Variants in DPP9 observed in about 807,000 individuals in gnomAD.
DPP9 encodes the protein dipeptidyl peptidase 9.
DPP9 carries 50 observed loss-of-function variants against 110.7 expected under a neutral mutation model. That is an observed-to-expected ratio of 0.45 (90% confidence interval 0.36 to 0.57). The LOEUF is 0.57. Ranked by LOEUF, DPP9 falls within the 20% of genes least tolerant of loss-of-function variation. DPP9 has a pLI of 0.00. For synonymous variants in DPP9, 561 were observed against 514.4 expected, an observed-to-expected ratio of 1.09 and a Z score of -1.23; for missense variants, 1,022 against 1,217.9, an observed-to-expected ratio of 0.84 and a Z score of 2.39.
In DPP9 at chr19:4,685,949, A is replaced by G. The variant is rs913583150; in HGVS notation, c.1886-178T>C. The G allele has an allele frequency of 1.6e-5, 11 of 669,654 alleles. No homozygotes were observed. The Admixed American group carries it at 3.4e-4, about 21-fold the overall frequency. The allele number at this position is 669,654 out of a possible 1,614,324, so 41.5% of individuals were successfully genotyped here. On this transcript the variant is annotated intron_variant, in intron 16 of 21. Transcript: ENST00000262960. The surrounding 1 kb of genome is among the most constrained non-coding windows in gnomAD (Gnocchi z 5.8). Reference sequence around the variant, plus strand: ...TTTTTTCATTAAATAAGATTTGTACAGTTTTTGTAGAGATGGGGTCTTGTC... The same window carrying G: ...TTTTTTCATTAAATAAGATTTGTACGGTTTTTGTAGAGATGGGGTCTTGTC...
chr19:4,709,806 C>T (rs976969049), intron 4 of DPP9, among the ~76,000 whole-genome samples: 6 of 152,168 alleles, frequency 3.9e-5, no homozygotes, highest in African/African-American at 1.2e-4. Flanking sequence ...TTAAAAAGCA[C>T]CCTGGGCCAA....
intron 1 of DPP9, among the ~76,000 whole-genome samples, chr19:4,723,280 A>C (rs955707299): frequency 3.3e-5 from 5 of 151,930 alleles, no homozygotes; most frequent in African/African-American, 9.7e-5. Context: ...GAGAGGGAGG[A>C]GATCGGGACC....
At chr19:4,699,167 A>AG in intron 10 of DPP9, among the ~76,000 whole-genome samples, 1 of 151,210 alleles carries the variant, frequency 6.6e-6, no homozygotes, top group East Asian at 1.9e-4. Context: ...TCAAAAAAAA[A>AG]AAAAAAAAAA....
chr19:4,710,232 T>C lies in DPP9; in HGVS notation c.313+3849A>G, dbSNP rs576823224. ...CTGTGGCCTCGAGTGGCTGGCCTGG[T>C]GGGGGATCGTGATCCACACAGGGCT... is the stretch of plus-strand genomic sequence containing the variant. On this transcript the variant is annotated intron_variant, in intron 4 of 21. Transcript: ENST00000262960. The surrounding 1 kb of genome is among the most constrained non-coding windows in gnomAD (Gnocchi z 5.6). Among the ~76,000 whole-genome samples, 4 of 151,596 alleles carry C rather than the reference T, an allele frequency of 2.6e-5. No individual in the cohort carries two copies. In the East Asian group the frequency reaches 7.8e-4, roughly 30 times the overall value.
In DPP9 at chr19:4,710,083, C is replaced by A. The variant is rs1296777744; in HGVS notation, c.313+3998G>T. ...CGCCAAGGGCTGTGGATTTCTGCTG[C>A]CCCATCCCTCCTCGGACCTCCCTCA... is the stretch of plus-strand genomic sequence containing the variant. On this transcript the variant is annotated intron_variant, in intron 4 of 21. Transcript: ENST00000262960. This position sits in a 1 kb window ranked among gnomAD's most constrained non-coding sequence, Gnocchi z 5.6. 6.6e-6 allele frequency among the ~76,000 whole-genome samples: 1 copy of A among 152,206 alleles called. No homozygotes were observed. The highest frequency in any genetic ancestry group is 1.5e-5 in the Non-Finnish European group (1 of 68,028).
intron 14 of DPP9, 26 bp downstream of exon 14, chr19:4,690,852 G>A: frequency 1.3e-6 from 2 of 1,591,256 alleles, no homozygotes; most frequent in South Asian, 1.1e-5. Flanking sequence ...ATGGAGCAGG[G>A]GAAGGCTGCA....
intron 7 of DPP9, among the ~76,000 whole-genome samples, chr19:4,703,017 G>T (rs1391036099): frequency 1.3e-5 from 2 of 151,910 alleles, no homozygotes; most frequent in Non-Finnish European, 2.9e-5. Context: ...TGGCAAGCCA[G>T]GAGCACCCCC....
Position 4,685,506 on chromosome 19 carries a change from C to A in DPP9, c.2031+120G>T, listed in dbSNP as rs1320691384. 8.6e-7 allele frequency: 1 copy of A among 1,166,772 alleles called. No homozygotes were observed. Among genetic ancestry groups the A allele is most frequent in the African/African-American group, 1.5e-5 (1 of 65,946 alleles). The allele number at this position is 1,166,772 out of a possible 1,614,324, so 72.3% of individuals were successfully genotyped here. A position where few individuals can be genotyped will look rare whatever the true frequency, so the allele number is the denominator to read the frequency against. On this transcript the variant is annotated intron_variant, in intron 17 of 21. Transcript: ENST00000262960. This position sits in a 1 kb window ranked among gnomAD's most constrained non-coding sequence, Gnocchi z 5.8. The stretch of plus-strand genomic sequence containing the variant: ...AGGGCAGGCGGGGTGGGCTGGGGCA[C>A]CAGGCAGGTAGCCGGGGAGCCTCCT...
intron 11 of DPP9, 97 bp downstream of exon 11, chr19:4,697,454 A>G: frequency 9.6e-7 from 1 of 1,041,228 alleles, no homozygotes; most frequent in Non-Finnish European, 1.4e-6. Flanking sequence ...GAGCAGATGG[A>G]AGGAATGGCA....
At chr19:4,699,615 C>G (rs369831157) in intron 10 of DPP9, among the ~76,000 whole-genome samples, 1 of 152,096 alleles carries the variant, frequency 6.6e-6, no homozygotes, top group East Asian at 1.9e-4. Flanking sequence ...GTGATGATGC[C>G]TTTTGCTGCC....
At position 4,687,924 on chromosome 19, in the gene DPP9, A is replaced by C. The variant is rs989399890; in HGVS notation, c.1885+833T>G. 3.3e-5 allele frequency among the ~76,000 whole-genome samples: 5 copies of C among 152,134 alleles called. No individual in the cohort carries two copies. Among genetic ancestry groups the C allele is most frequent in the Non-Finnish European group, 7.4e-5 (5 of 67,990 alleles). On this transcript the variant is annotated intron_variant, in intron 16 of 21. Transcript: ENST00000262960. This position sits in a 1 kb window ranked among gnomAD's most constrained non-coding sequence, Gnocchi z 4.7. ...GCCATTCTCTTGCCTCAGCCTCCCGAGTAGTGGGACTACAGGCGCCCGCCA... is the reference window on the plus strand; with the variant it reads ...GCCATTCTCTTGCCTCAGCCTCCCGCGTAGTGGGACTACAGGCGCCCGCCA...
At position 4,683,719 on chromosome 19, in the gene DPP9, TCC is replaced by T. The variant is rs1453846850; in HGVS notation, c.2179-92_2179-91del. On this transcript the variant is annotated intron_variant, in intron 18 of 21. Coordinates refer to ENST00000262960, the MANE Select transcript of DPP9 (RefSeq NM_139159.5). ...ACCTCTGCTCCTTTCAGGGCGTCTC[TCC>T]CTCTTGGATGAAAAGTGGCTCGCTG... is the stretch of plus-strand genomic sequence containing the variant. 4 of 1,611,298 alleles carry T rather than the reference TCC, an allele frequency of 2.5e-6. No homozygotes were observed. In the Admixed American group the frequency reaches 5.0e-5, roughly 20 times the overall value.
At chr19:4,719,385 G>A (rs1023677458) in intron 3 of DPP9, 2 of 152,808 alleles carry the variant, frequency 1.3e-5, no homozygotes, top group Non-Finnish European at 2.9e-5. Context: ...GACTCAGTGA[G>A]GTTGAATGGC....
chr19:4,701,243 G>A (rs531017948), intron 9 of DPP9, among the ~76,000 whole-genome samples: 3 of 152,174 alleles, frequency 2.0e-5, no homozygotes, highest in African/African-American at 4.8e-5. Flanking sequence ...CGAGGCGAGA[G>A]GACCACTTGA....
At position 4,695,134 on chromosome 19, in the gene DPP9, G is replaced by A. The variant is rs1434911563; in HGVS notation, c.1353+244C>T. The A allele has an allele frequency of 1.7e-6, 1 of 580,012 alleles. No individual in the cohort carries two copies. The highest frequency in any genetic ancestry group is 2.2e-5 in the South Asian group (1 of 44,790). 35.9% of individuals were successfully genotyped at this position (580,012 alleles called of 1,614,324 possible). Reference sequence around the variant, plus strand: ...CCACTGCACTCTAGTCTGGGCAACAGAGCAACCCTGTCTCTAATTAAAGAA... The same window carrying A: ...CCACTGCACTCTAGTCTGGGCAACAAAGCAACCCTGTCTCTAATTAAAGAA... On this transcript the variant is annotated intron_variant, in intron 12 of 21. Transcript: ENST00000262960. The surrounding 1 kb of genome is among the most constrained non-coding windows in gnomAD (Gnocchi z 4.7).
At chr19:4,699,839 G>A (rs550063871) in intron 10 of DPP9, among the ~76,000 whole-genome samples, 4 of 152,330 alleles carry the variant, frequency 2.6e-5, no homozygotes, top group East Asian at 1.9e-4. Flanking sequence ...TCTGCCCCAC[G>A]GAGTTCTCTG....
At chr19:4,701,469 AAAAC>A (rs549165034) in intron 9 of DPP9, among the ~76,000 whole-genome samples, 16 of 152,226 alleles carry the variant, frequency 1.1e-4, no homozygotes, top group Middle Eastern at 3.4e-3. Context: ...CCTTGTCTCA[AAAAC>A]AAACAAACAA....
At position 4,676,409 on chromosome 19, in the gene DPP9, G is replaced by T; in HGVS notation, c.*155C>A. 1.6e-6 allele frequency: 1 copy of T among 639,022 alleles called. No individual in the cohort carries two copies. The highest frequency in any genetic ancestry group is 2.7e-5 in the East Asian group (1 of 36,414). The allele number at this position is 639,022 out of a possible 1,614,324, so 39.6% of individuals were successfully genotyped here. A position where few individuals can be genotyped will look rare whatever the true frequency, so the allele number is the denominator to read the frequency against. On this transcript the variant is annotated 3_prime_UTR_variant, in exon 22 of 22. Transcript: ENST00000262960. This position sits in a 1 kb window ranked among gnomAD's most constrained non-coding sequence, Gnocchi z 4.0. ...CGTTTAAAAAAGGATAAAAGGCGTCGGGGCGGTGAAGGCAGCGGCTCCTCG... is the reference window on the plus strand; with the variant it reads ...CGTTTAAAAAAGGATAAAAGGCGTCTGGGCGGTGAAGGCAGCGGCTCCTCG...
At position 4,710,567 on chromosome 19, in the gene DPP9, T is replaced by C. The variant is rs952859137; in HGVS notation, c.313+3514A>G. 2.6e-5 allele frequency among the ~76,000 whole-genome samples: 4 copies of C among 152,198 alleles called. No homozygotes were observed. Among genetic ancestry groups the C allele is most frequent in the African/African-American group, 9.6e-5 (4 of 41,458 alleles). ...TTATCATGTGGATCTGAAAGAGCCT[T>C]TCCGGAGGGGCCCAGTGATTAGCTC... On this transcript the variant is annotated intron_variant, in intron 4 of 21. Coordinates refer to ENST00000262960, the MANE Select transcript of DPP9 (RefSeq NM_139159.5). The surrounding 1 kb of genome is among the most constrained non-coding windows in gnomAD (Gnocchi z 5.6).
Sources: allele counts gnomAD v4.1 joint callset (sites outside exome capture counted in the v4.1 genomes callset), GRCh38; gene constraint gnomAD v4.1.1; non-coding constraint Gnocchi (gnomAD v3.1); transcripts MANE v1.5; gene names NCBI Gene and HGNC (gene_info 2026-07-23, HGNC 2026-07-21).